The following KCMF1 variants were observed in gnomAD, a reference collection of about 807,000 sequenced individuals.
KCMF1 encodes the protein potassium channel modulatory factor 1, also known as E3 ubiquitin-protein ligase KCMF1.
KCMF1 carries 3 observed loss-of-function variants against 41.1 expected under a neutral mutation model. The ratio of observed to expected loss-of-function variants is 0.07; its 90% CI spans 0.03 to 0.19. KCMF1 has a LOEUF of 0.19. Among genes scored for constraint, KCMF1 ranks in the 10% least tolerant of loss-of-function variants. The pLI is 1.00. For missense variants in KCMF1, 286 were observed against 488.9 expected, an observed-to-expected ratio of 0.58 and a Z score of 3.91; for synonymous variants, 142 against 164.5, an observed-to-expected ratio of 0.86 and a Z score of 1.04.
intron 3 of KCMF1, among the ~76,000 whole-genome samples, chr2:85,039,272 A>G (rs952296267): frequency 6.6e-6 from 1 of 152,206 alleles, no homozygotes; most frequent in Admixed American, 6.5e-5. Flanking sequence ...AGAAATAGGA[A>G]TGTGGTTATA....
At chr2:84,983,868 G>A (rs1479441387) in intron 1 of KCMF1, among the ~76,000 whole-genome samples, 1 of 152,058 alleles carries the variant, frequency 6.6e-6, no homozygotes, top group East Asian at 1.9e-4. Flanking sequence ...CAGGTCCTGA[G>A]CTCCTGACCT....
rs1365407715 is a variant in KCMF1 at position 85,058,393 on chromosome 2, A to AAAG, written c.*4987_*4989dup. On this transcript the variant is annotated 3_prime_UTR_variant, in exon 7 of 7. Coordinates refer to ENST00000409785, the MANE Select transcript of KCMF1 (RefSeq NM_020122.5). ...TGAGACTCTCCTCAAAACAAAAAAA[A>AAAG]AAGAAAGAAAACCCATGTGGGCCGC... The AAAG allele has an allele frequency of 6.6e-6, 1 of 152,156 alleles. No individual in the cohort carries two copies. Among genetic ancestry groups the AAAG allele is most frequent in the South Asian group, 2.1e-4 (1 of 4,818 alleles). The allele number at this position is 152,156 out of a possible 1,614,324, so 9.4% of individuals were successfully genotyped here.
chr2:84,990,622 A>G (rs1265780627), intron 1 of KCMF1, among the ~76,000 whole-genome samples: 2 of 151,914 alleles, frequency 1.3e-5, no homozygotes, highest in Non-Finnish European at 2.9e-5. Flanking sequence ...CAGCCTGGGC[A>G]ACACAGGGAG....
At chr2:84,974,685 ATATATATTTTTTTT>A (rs1673496357) in intron 1 of KCMF1, among the ~76,000 whole-genome samples, 3 of 37,956 alleles carry the variant, frequency 7.9e-5, no homozygotes, top group Admixed American at 3.6e-4. Context: ...ATATATATAT[ATATATATTTTTTTT>A]TTTTTTTTTT....
At chr2:85,041,199 T>G (rs1574040196) in intron 3 of KCMF1, among the ~76,000 whole-genome samples, 1 of 152,174 alleles carries the variant, frequency 6.6e-6, no homozygotes, top group East Asian at 1.9e-4. Context: ...TTATTTCTCT[T>G]TGAATGAAGC....
At chr2:85,016,123 G>A (rs1484362919) in intron 1 of KCMF1, among the ~76,000 whole-genome samples, 1 of 152,134 alleles carries the variant, frequency 6.6e-6, no homozygotes, top group Admixed American at 6.5e-5. Flanking sequence ...AGACTACTGC[G>A]TGAAGACTAC....
At chr2:84,980,528 G>A (rs2103964762) in intron 1 of KCMF1, among the ~76,000 whole-genome samples, 1 of 152,298 alleles carries the variant, frequency 6.6e-6, no homozygotes, top group Middle Eastern at 3.4e-3. Context: ...CTTGGTGTTT[G>A]TTAACCATGG....
At chr2:85,008,302 TATAATATGATA>T (rs1674536073) in intron 1 of KCMF1, among the ~76,000 whole-genome samples, 1 of 90,520 alleles carries the variant, frequency 1.1e-5, no homozygotes, top group African/African-American at 5.1e-5. Flanking sequence ...ATATATAATA[TATAATATGATA>T]TATATATCAT....
At chr2:85,038,749 C>G (rs1385123791) in intron 3 of KCMF1, among the ~76,000 whole-genome samples, 2 of 152,106 alleles carry the variant, frequency 1.3e-5, no homozygotes, top group African/African-American at 4.8e-5. Flanking sequence ...CCCATTCCCC[C>G]CATTGTATTG....
At chr2:85,004,750 C>G (rs1259078839) in intron 1 of KCMF1, among the ~76,000 whole-genome samples, 1 of 152,144 alleles carries the variant, frequency 6.6e-6, no homozygotes, top group Non-Finnish European at 1.5e-5. Context: ...AGTCTTCTAT[C>G]TTGAGATTTT....
chr2:85,043,431 C>T (rs1025685113), intron 3 of KCMF1, 133 bp from the exon 4 acceptor site: 4 of 659,404 alleles, frequency 6.1e-6, no homozygotes, highest in Non-Finnish European at 1.1e-5. Context: ...TACTGCTTTT[C>T]ACTGATTTAG....
At chr2:84,972,869 C>T (rs1394291072) in intron 1 of KCMF1, among the ~76,000 whole-genome samples, 1 of 152,148 alleles carries the variant, frequency 6.6e-6, no homozygotes, top group South Asian at 2.1e-4. Context: ...TTGTTGAGTA[C>T]TTACAGTGTT....
At position 85,049,571 on chromosome 2, in the gene KCMF1, A is replaced by G. The variant is rs1314395602; in HGVS notation, c.807A>G (p.Gln269=). The G allele has an allele frequency of 4.3e-6, 7 of 1,613,988 alleles. No homozygotes were observed. The highest frequency in any genetic ancestry group is 5.9e-6 in the Non-Finnish European group (7 of 1,179,868). ...NTSSVTTTIT[Q]STATTNIANT... ...GCAGTGTCACCACTACAATCACACA[A>G]TCCACAGCAACAACCAACATAGCTA... Residue 269 remains glutamine, a synonymous_variant, in exon 6 of 7, where the codon CAA becomes CAG. Transcript: ENST00000409785.
chr2:85,033,646 C>T (rs1447083483), intron 2 of KCMF1, among the ~76,000 whole-genome samples: 1 of 152,154 alleles, frequency 6.6e-6, no homozygotes, highest in Non-Finnish European at 1.5e-5. Context: ...AGCGAGAATT[C>T]ACTCCTGAGA....
chr2:85,005,434 G>A (rs981150936), intron 1 of KCMF1, among the ~76,000 whole-genome samples: 5 of 151,170 alleles, frequency 3.3e-5, no homozygotes, highest in South Asian at 2.1e-4. Flanking sequence ...GACTACAGGC[G>A]CCCACCACCA....
At chr2:85,042,596 C>T (rs1675564735) in intron 3 of KCMF1, among the ~76,000 whole-genome samples, 1 of 152,204 alleles carries the variant, frequency 6.6e-6, no homozygotes, top group South Asian at 2.1e-4. Flanking sequence ...CTGTGCACTT[C>T]CTGGGGCTCC....
chr2:85,028,861 A>C (rs1275982712), intron 2 of KCMF1, among the ~76,000 whole-genome samples: 1 of 152,206 alleles, frequency 6.6e-6, no homozygotes, highest in African/African-American at 2.4e-5. Flanking sequence ...AACCATTCAG[A>C]AATATACACA....
chr2:84,986,039 A>G (rs1412882602), intron 1 of KCMF1, among the ~76,000 whole-genome samples: 2 of 152,156 alleles, frequency 1.3e-5, no homozygotes, highest in Admixed American at 1.3e-4. Context: ...TAAAAACCAA[A>G]ATACTAGTTG....
chr2:85,012,562 A>C (rs1195086573), intron 1 of KCMF1, among the ~76,000 whole-genome samples: 1 of 147,198 alleles, frequency 6.8e-6, no homozygotes, highest in African/African-American at 2.7e-5. Flanking sequence ...TCTCAGAGAA[A>C]GTCTCCCAAA....
Sources: allele counts gnomAD v4.1 joint callset (sites outside exome capture counted in the v4.1 genomes callset), GRCh38; gene constraint gnomAD v4.1.1; transcripts MANE v1.5; gene names NCBI Gene and HGNC (gene_info 2026-07-23, HGNC 2026-07-21).